Variants in CYB5D2 observed in about 807,000 individuals in gnomAD.
The protein encoded by CYB5D2 is neuferricin.
In CYB5D2, 23 loss-of-function variants were observed where a neutral mutation model predicts 22.8. The ratio of observed to expected loss-of-function variants is 1.01; its 90% confidence interval spans 0.73 to 1.43. The LOEUF is 1.43. Among genes scored for constraint, CYB5D2 ranks in the 40% most tolerant of loss-of-function variants. CYB5D2 has a pLI of 0.00. For missense variants in CYB5D2, 373 were observed against 357.2 expected (o/e 1.04, Z -0.36); for synonymous variants, 170 against 152.2 (o/e 1.12, Z -0.86).
chr17:4,155,441 A>C (rs760326726), intron 3 of CYB5D2, among the ~76,000 whole-genome samples: 3 of 152,160 alleles, frequency 2.0e-5, no homozygotes, highest in Non-Finnish European at 4.4e-5. Flanking sequence ...AACATAACAA[A>C]AAAACAGTAA....
At position 4,143,652 on chromosome 17, in the gene CYB5D2, A is replaced by C. The variant is rs1045339385; in HGVS notation, c.-104A>C. 19 of 1,459,690 alleles carry C rather than the reference A, an allele frequency of 1.3e-5. No homozygotes were observed. Among genetic ancestry groups the C allele is most frequent in the East Asian group, 2.3e-5 (1 of 42,596 alleles). 90.4% of individuals were successfully genotyped at this position (1,459,690 alleles called of 1,614,324 possible). ...GCGAGCACTAGCGCGCGAGAGAGAG[A>C]GCGAGAGCGCGCGCGCCGATGACGT... On this transcript the variant is annotated 5_prime_UTR_variant, in exon 1 of 4. Coordinates refer to ENST00000301391, the MANE Select transcript of CYB5D2 (RefSeq NM_144611.4).
rs2058906321 is a variant in CYB5D2 at position 4,143,241 on chromosome 17, G to C, written c.-515G>C. ...ACAACCTGCAAGCCAAGAAGTACGA[G>C]AAGGGCCAGGCGCGGTGGCTCACGC... is the stretch of plus-strand genomic sequence containing the variant. On this transcript the variant is annotated 5_prime_UTR_variant, in exon 1 of 4. Coordinates refer to ENST00000301391, the MANE Select transcript of CYB5D2 (RefSeq NM_144611.4). The C allele has an allele frequency of 4.3e-6, 1 of 230,468 alleles. No homozygotes were observed. The highest frequency in any genetic ancestry group is 2.3e-5 in the African/African-American group (1 of 44,164). 14.3% of individuals were successfully genotyped at this position (230,468 alleles called of 1,614,324 possible). A position where few individuals can be genotyped will look rare whatever the true frequency, so the allele number is the denominator to read the frequency against.
chr17:4,145,013 C>G (rs1335537505), intron 1 of CYB5D2, among the ~76,000 whole-genome samples: 2 of 152,116 alleles, frequency 1.3e-5, no homozygotes, highest in Admixed American at 1.3e-4. Context: ...GTCTCGATCT[C>G]CTGACCTTAT....
intron 1 of CYB5D2, among the ~76,000 whole-genome samples, chr17:4,149,351 T>C (rs1009633064): frequency 1.3e-5 from 2 of 152,068 alleles, no homozygotes; most frequent in African/African-American, 4.8e-5. Context: ...CCAAGGGAAG[T>C]GGTCAGCTGT....
At chr17:4,147,832 A>G (rs944345573) in intron 1 of CYB5D2, among the ~76,000 whole-genome samples, 2 of 152,232 alleles carry the variant, frequency 1.3e-5, no homozygotes, top group African/African-American at 2.4e-5. Flanking sequence ...CAGCCTGGGC[A>G]ACAAGAGCGA....
chr17:4,145,344 G>A (rs1056046504), intron 1 of CYB5D2, among the ~76,000 whole-genome samples: 17 of 152,280 alleles, frequency 1.1e-4, no homozygotes, highest in African/African-American at 4.1e-4. Flanking sequence ...AGTTGGTCTC[G>A]CAAATCCCCT....
intron 3 of CYB5D2, 55 bp from the exon 4 acceptor site, chr17:4,156,811 C>T: frequency 6.3e-7 from 1 of 1,583,162 alleles, no homozygotes. Flanking sequence ...CTCTCCCCTT[C>T]CCAGAGACTC....
At chr17:4,155,326 G>A (rs1338407338) in intron 3 of CYB5D2, among the ~76,000 whole-genome samples, 1 of 152,264 alleles carries the variant, frequency 6.6e-6, no homozygotes, top group Non-Finnish European at 1.5e-5. Flanking sequence ...TTAAAAACAG[G>A]TGAGGCGGGC....
intron 1 of CYB5D2, among the ~76,000 whole-genome samples, chr17:4,144,296 C>T (rs1405264905): frequency 6.7e-6 from 1 of 149,876 alleles, no homozygotes; most frequent in Non-Finnish European, 1.5e-5. Flanking sequence ...CCCTAGGATA[C>T]GGGCTGTGTG....
intron 2 of CYB5D2, among the ~76,000 whole-genome samples, chr17:4,153,388 C>G (rs1017842626): frequency 6.6e-6 from 1 of 151,778 alleles, no homozygotes; most frequent in Admixed American, 6.6e-5. Context: ...TGTGCTGGAG[C>G]CCCCCGTGAA....
At chr17:4,144,131 T>G in intron 1 of CYB5D2, 126 bp downstream of exon 1, 1 of 1,349,332 alleles carries the variant, frequency 7.4e-7, no homozygotes. Flanking sequence ...ATCAAACCCG[T>G]GCGGTGGGCG....
rs774044027 is a variant in CYB5D2 at position 4,154,778 on chromosome 17, C to G, written c.496C>G (p.Leu166Val). 1.2e-6 allele frequency: 2 copies of G among 1,614,236 alleles called. No individual in the cohort carries two copies. The highest frequency in any genetic ancestry group is 1.7e-6 in the Non-Finnish European group (2 of 1,180,054). The change falls in exon 3 of 4, where the codon CTG becomes GTG. Residue 166 changes from leucine (L) to valine (V), a missense_variant. Physicochemically the swap from Leu to Val is conservative, Grantham distance 32 (BLOSUM62 1). Transcript: ENST00000301391. Reference protein sequence around the residue: ...TRGLEANKLQLQEKQTFPPCN... With the variant: ...TRGLEANKLQVQEKQTFPPCN... ...AGGCTTGGAGGCCAACAAACTACAG[C>G]TGCAAGAGAAGCAGACATTCCCGCC... is the stretch of plus-strand genomic sequence containing the variant.
At chr17:4,153,120 A>G (rs2059075517) in intron 2 of CYB5D2, among the ~76,000 whole-genome samples, 1 of 152,232 alleles carries the variant, frequency 6.6e-6, no homozygotes, top group African/African-American at 2.4e-5. Flanking sequence ...AGAGAGAGCC[A>G]TCATAGACAA....
chr17:4,154,173 G>A (rs1412234832), intron 2 of CYB5D2, among the ~76,000 whole-genome samples: 1 of 152,224 alleles, frequency 6.6e-6, no homozygotes, highest in Non-Finnish European at 1.5e-5. Context: ...GCCGGGCACA[G>A]TGTGACTTAC....
chr17:4,154,855 G>A lies in CYB5D2; in HGVS notation c.573G>A (p.Gln191=). The A allele has an allele frequency of 1.2e-6, 2 of 1,611,218 alleles. No individual in the cohort carries two copies. Among genetic ancestry groups the A allele is most frequent in the Non-Finnish European group, 1.7e-6 (2 of 1,178,622 alleles). ...SARGSRLWCS[Q]KSGGVSRDWI... ...GGGGCAGCCGGCTCTGGTGCTCCCAGAAGAGGTAAGCAGGCTCCCCTTCTT... is the reference window on the plus strand; with the variant it reads ...GGGGCAGCCGGCTCTGGTGCTCCCAAAAGAGGTAAGCAGGCTCCCCTTCTT... Residue 191 remains glutamine (Q), a synonymous_variant, in exon 3 of 4, where the codon CAG becomes CAA. Transcript: ENST00000301391.
In CYB5D2 at chr17:4,143,583, G is replaced by A; in HGVS notation, c.-173G>A. 1 of 890,296 alleles carries A rather than the reference G, an allele frequency of 1.1e-6. No homozygotes were observed. Among genetic ancestry groups the A allele is most frequent in the Admixed American group, 2.8e-5 (1 of 35,348 alleles). 55.1% of individuals were successfully genotyped at this position (890,296 alleles called of 1,614,324 possible). A position where few individuals can be genotyped will look rare whatever the true frequency, so the allele number is the denominator to read the frequency against. On this transcript the variant is annotated 5_prime_UTR_variant, in exon 1 of 4. The change creates a new upstream start codon in the 5' untranslated region. Transcript: ENST00000301391. The stretch of plus-strand genomic sequence containing the variant: ...GTCGCAGACAGCGAGCTTTTCGCCA[G>A]TGCCAGGAATACAGATAAAACGAGA...
intron 3 of CYB5D2, among the ~76,000 whole-genome samples, chr17:4,156,066 C>T (rs937963181): frequency 2.0e-5 from 3 of 152,236 alleles, no homozygotes; most frequent in Non-Finnish European, 4.4e-5. Context: ...TGGGTGACAG[C>T]CTTGTTCTTG....
chr17:4,147,411 A>G (rs1380964345), intron 1 of CYB5D2, among the ~76,000 whole-genome samples: 1 of 152,272 alleles, frequency 6.6e-6, no homozygotes, highest in Non-Finnish European at 1.5e-5. Context: ...TACTAGTAGA[A>G]AAGACAGACA....
Position 4,143,827 on chromosome 17 carries a change from G to T in CYB5D2, c.72G>T (p.Arg24=). ...CCGCAGCAGCGGTAATGGCAGCACG[G>T]CTTATGGGCTGGTGGGGTCCCCGCG... is the stretch of plus-strand genomic sequence containing the variant. The part of the protein sequence containing the change: ...AVAAAAVMAA[R]LMGWWGPRAG... Residue 24 remains arginine (R), a synonymous_variant, in exon 1 of 4, where the codon CGG becomes CGT. Transcript: ENST00000301391. 1 of 1,614,158 alleles carries T rather than the reference G, an allele frequency of 6.2e-7. No homozygotes were observed. Among genetic ancestry groups the T allele is most frequent in the Non-Finnish European group, 8.5e-7 (1 of 1,180,004 alleles).
Sources: gnomAD v4.1 joint callset for allele counts (sites outside exome capture counted in the v4.1 genomes callset) on GRCh38, gnomAD v4.1.1 for gene constraint, MANE v1.5 for transcripts, NCBI Gene and HGNC (gene_info 2026-07-23, HGNC 2026-07-21) for gene names.